ETV1: variants seen among roughly 807,000 people sequenced by gnomAD.
ETV1 encodes ETS variant transcription factor 1.
A neutral mutation model predicts 62.3 loss-of-function variants in ETV1; 27 were observed. The ratio of observed to expected loss-of-function variants is 0.43; its 90% CI spans 0.32 to 0.60. ETV1 has a LOEUF of 0.60. Among genes scored for constraint, ETV1 ranks in the 20% least tolerant of loss-of-function variants. ETV1 has a pLI of 0.06. For missense variants in ETV1, 605 were observed against 605.8 expected (o/e 1.00, Z 0.01); for synonymous variants, 222 against 199.6 (o/e 1.11, Z -0.94).
chr7:13,939,367 G>C (rs1787209391), intron 6 of ETV1, 121 bp from the exon 7 acceptor site: 3 of 773,814 alleles, frequency 3.9e-6, no homozygotes, highest in Non-Finnish European at 5.8e-6. Flanking sequence ...ACATATGTAA[G>C]AAAAATCACG....
At chr7:13,955,683 A>G (rs1327342417) in intron 6 of ETV1, among the ~76,000 whole-genome samples, 1 of 152,240 alleles carries the variant, frequency 6.6e-6, no homozygotes, top group Non-Finnish European at 1.5e-5. Flanking sequence ...CTTTGCAAGT[A>G]TTGTAGGAAC....
intron 6 of ETV1, among the ~76,000 whole-genome samples, chr7:13,969,191 T>C (rs1408972613): frequency 6.6e-6 from 1 of 152,144 alleles, no homozygotes; most frequent in Non-Finnish European, 1.5e-5. Flanking sequence ...TAAACTAGAA[T>C]TGGTTCCAGT....
At chr7:13,984,250 C>T (rs1330147330) in intron 5 of ETV1, among the ~76,000 whole-genome samples, 1 of 151,928 alleles carries the variant, frequency 6.6e-6, no homozygotes, top group African/African-American at 2.4e-5. Flanking sequence ...TCCATGGTCA[C>T]TTTCTTGGCT....
At chr7:13,979,020 C>A (rs1366887769) in intron 5 of ETV1, among the ~76,000 whole-genome samples, 2 of 152,136 alleles carry the variant, frequency 1.3e-5, no homozygotes, top group Admixed American at 6.6e-5. Flanking sequence ...ATTTGATCAG[C>A]CTATATTGCA....
intron 8 of ETV1, among the ~76,000 whole-genome samples, chr7:13,932,322 C>A (rs550148239): frequency 1.3e-5 from 2 of 152,194 alleles, no homozygotes; most frequent in African/African-American, 4.8e-5. Flanking sequence ...ACATTGCGTT[C>A]TAGTAAGAAA....
chr7:13,966,160 T>C (rs1790752012), intron 6 of ETV1, among the ~76,000 whole-genome samples: 2 of 152,266 alleles, frequency 1.3e-5, no homozygotes, highest in Middle Eastern at 3.4e-3. Flanking sequence ...ACTCTGTAAA[T>C]AGTAATACTT....
In ETV1 at chr7:13,896,070, A is replaced by T; in HGVS notation, c.1230T>A (p.Tyr410Ter). ...CTGGATCACACACAAACTTGTAGACATATCTCTCTCCAGCCACCTGATGAT... is the reference window on the plus strand; with the variant it reads ...CTGGATCACACACAAACTTGTAGACTTATCTCTCTCCAGCCACCTGATGAT... ...GIMQKVAGER[Y>*]VYKFVCDPEA... The change falls in exon 14 of 14, where the codon TAT becomes TAA. Residue 410 changes from tyrosine (Y) to a stop codon, truncating the protein, a stop_gained. Transcript: ENST00000430479. LOFTEE classifies it high-confidence loss of function. 1 of 1,613,146 alleles carries T rather than the reference A, an allele frequency of 6.2e-7. No homozygotes were observed. Among genetic ancestry groups the T allele is most frequent in the South Asian group, 1.1e-5 (1 of 90,834 alleles).
chr7:13,960,376 C>T lies in ETV1; in HGVS notation c.235+17051G>A, dbSNP rs1790027078. On this transcript the variant is annotated intron_variant, in intron 6 of 13. Coordinates refer to ENST00000430479, the MANE Select transcript of ETV1 (RefSeq NM_004956.5). ...TAAATTAAGTAGATATTGATACTGC[C>T]TGACTTCTACAGAGCTACTGAGTTA... 1.3e-5 allele frequency among the ~76,000 whole-genome samples: 2 copies of T among 152,148 alleles called. 1 individual carries two copies. Among genetic ancestry groups the T allele is most frequent in the South Asian group, 4.1e-4 (2 of 4,828 alleles).
At chr7:13,951,926 G>A (rs1788860858) in intron 6 of ETV1, among the ~76,000 whole-genome samples, 1 of 152,082 alleles carries the variant, frequency 6.6e-6, no homozygotes, top group African/African-American at 2.4e-5. Context: ...AAGACAAACA[G>A]ACTCAAGGAT....
intron 6 of ETV1, among the ~76,000 whole-genome samples, chr7:13,948,507 G>A (rs1477454363): frequency 6.6e-6 from 1 of 152,174 alleles, no homozygotes; most frequent in East Asian, 1.9e-4. Context: ...TCTTCTGTAT[G>A]CTGTTCTAGA....
At chr7:13,968,630 T>C (rs1053013147) in intron 6 of ETV1, among the ~76,000 whole-genome samples, 1 of 151,828 alleles carries the variant, frequency 6.6e-6, no homozygotes, top group Non-Finnish European at 1.5e-5. Flanking sequence ...GTGTCCTTCA[T>C]AGCAAATTCT....
chr7:13,945,030 G>A (rs1409695896), intron 6 of ETV1, among the ~76,000 whole-genome samples: 1 of 152,108 alleles, frequency 6.6e-6, no homozygotes, highest in East Asian at 1.9e-4. Flanking sequence ...GATCCCTGCT[G>A]ACATCCTTCA....
intron 6 of ETV1, among the ~76,000 whole-genome samples, chr7:13,961,919 A>G (rs1367930991): frequency 1.3e-5 from 2 of 152,198 alleles, no homozygotes; most frequent in South Asian, 2.1e-4. Flanking sequence ...TCAAGTTGTT[A>G]CAACTATTTA....
intron 9 of ETV1, among the ~76,000 whole-genome samples, chr7:13,913,826 T>G (rs1374721593): frequency 6.6e-6 from 1 of 151,114 alleles, no homozygotes; most frequent in African/African-American, 2.4e-5. Context: ...TATAAACTTA[T>G]AAGGTTTAAG....
intron 6 of ETV1, among the ~76,000 whole-genome samples, chr7:13,962,205 G>C (rs932404266): frequency 6.6e-6 from 1 of 150,716 alleles, no homozygotes; most frequent in Admixed American, 6.6e-5. Flanking sequence ...ACACACACGT[G>C]TGTGTGTGTA....
In ETV1 at chr7:13,895,734, A is replaced by G. The variant is rs1041994340; in HGVS notation, c.*132T>C. ...AGACCATAGAATAATGCAACAGGAAAAGCCCCTTTTTGTGTATTATTATTT... is the reference window on the plus strand; with the variant it reads ...AGACCATAGAATAATGCAACAGGAAGAGCCCCTTTTTGTGTATTATTATTT... On this transcript the variant is annotated 3_prime_UTR_variant, in exon 14 of 14. Transcript: ENST00000430479. The G allele has an allele frequency of 8.6e-6, 6 of 693,780 alleles. No individual in the cohort carries two copies. Among genetic ancestry groups the G allele is most frequent in the African/African-American group, 3.6e-5 (2 of 55,420 alleles). 43.0% of individuals were successfully genotyped at this position (693,780 alleles called of 1,614,324 possible). A position where few individuals can be genotyped will look rare whatever the true frequency, so the allele number is the denominator to read the frequency against.
At chr7:13,943,761 T>C (rs930733902) in intron 6 of ETV1, among the ~76,000 whole-genome samples, 3 of 152,152 alleles carry the variant, frequency 2.0e-5, no homozygotes, top group Non-Finnish European at 4.4e-5. Context: ...CTGGAAACAT[T>C]TTATATCTTG....
At chr7:13,909,195 C>A (rs567754973) in intron 11 of ETV1, among the ~76,000 whole-genome samples, 2 of 150,654 alleles carry the variant, frequency 1.3e-5, no homozygotes, top group Non-Finnish European at 2.9e-5. Context: ...TATGTTGTTC[C>A]TGTGTTCCAT....
chr7:13,909,703 G>A lies in ETV1; in HGVS notation c.872-3C>T. ...GGGGCCCTTTTCAAACATACAGCCT[G>A]TGGATGAAAAAGGAATACATTTATT... On this transcript the variant is annotated splice_region_variant and splice_polypyrimidine_tract_variant and intron_variant, in intron 10 of 13. Coordinates refer to ENST00000430479, the MANE Select transcript of ETV1 (RefSeq NM_004956.5). The A allele has an allele frequency of 6.2e-7, 1 of 1,608,940 alleles. No homozygotes were observed. The highest frequency in any genetic ancestry group is 8.5e-7 in the Non-Finnish European group (1 of 1,175,712).
Sources: allele counts gnomAD v4.1 joint callset (sites outside exome capture counted in the v4.1 genomes callset), GRCh38; gene constraint gnomAD v4.1.1; transcripts MANE v1.5; gene names NCBI Gene and HGNC (gene_info 2026-07-23, HGNC 2026-07-21).